The following SPAG16 variants were observed in gnomAD, a reference collection of about 807,000 sequenced individuals.
SPAG16 encodes the protein sperm associated antigen 16.
Under a neutral mutation model 80.4 loss-of-function variants are expected in SPAG16, and 86 were observed. The ratio of observed to expected loss-of-function variants is 1.07; its 90% CI spans 0.90 to 1.28. The LOEUF (loss-of-function observed/expected upper bound fraction) is 1.28. Ranked by LOEUF, SPAG16 falls within the 50% of genes most tolerant of loss-of-function variation. The pLI is 0.00. For synonymous variants in SPAG16, 294 were observed against 265.9 expected, an observed-to-expected ratio of 1.11 and a Z score of -1.03; for missense variants, 870 against 765.3, an observed-to-expected ratio of 1.14 and a Z score of -1.61.
intron 13 of SPAG16, among the ~76,000 whole-genome samples, chr2:214,105,015 G>A (rs749251126): frequency 7.2e-5 from 11 of 152,102 alleles, no homozygotes; most frequent in Non-Finnish European, 1.0e-4. Flanking sequence ...ACAGCTGAAC[G>A]GGAGGTAGCA....
At chr2:213,889,091 A>G (rs1191341797) in intron 11 of SPAG16, among the ~76,000 whole-genome samples, 2 of 151,990 alleles carry the variant, frequency 1.3e-5, no homozygotes, top group African/African-American at 4.8e-5. Flanking sequence ...TAAACATTTC[A>G]TAAGGTATAT....
At chr2:213,619,984 A>G (rs1326290506) in intron 10 of SPAG16, among the ~76,000 whole-genome samples, 1 of 152,226 alleles carries the variant, frequency 6.6e-6, no homozygotes, top group African/African-American at 2.4e-5. Flanking sequence ...TCCAGACATA[A>G]AAAAGAATGG....
intron 9 of SPAG16, among the ~76,000 whole-genome samples, chr2:213,397,162 G>A (rs2068083565): frequency 6.6e-6 from 1 of 152,260 alleles, no homozygotes; most frequent in Non-Finnish European, 1.5e-5. Context: ...TCCAGTTTCT[G>A]TGCTGTTAAA....
intron 15 of SPAG16, among the ~76,000 whole-genome samples, chr2:214,264,399 C>T (rs1050931305): frequency 2.6e-5 from 4 of 152,138 alleles, no homozygotes; most frequent in Non-Finnish European, 1.5e-5. Context: ...GCTCACTAAT[C>T]CATTTGCCTA....
At chr2:213,733,230 T>TC (rs2067136271) in intron 10 of SPAG16, among the ~76,000 whole-genome samples, 1 of 151,644 alleles carries the variant, frequency 6.6e-6, no homozygotes. Flanking sequence ...GTTTTTTTTT[T>TC]CTTGTAAATT....
intron 11 of SPAG16, among the ~76,000 whole-genome samples, chr2:213,920,888 C>A (rs2078189949): frequency 6.6e-6 from 1 of 152,254 alleles, no homozygotes; most frequent in Admixed American, 6.5e-5. Flanking sequence ...CCTACCAATT[C>A]TCTAAGCAGC....
chr2:213,777,285 C>T (rs866825803), intron 10 of SPAG16, among the ~76,000 whole-genome samples: 1 of 108,318 alleles, frequency 9.2e-6, no homozygotes. Context: ...CTCATTCTGT[C>T]GCTCAGGCTG....
intron 8 of SPAG16, among the ~76,000 whole-genome samples, chr2:213,371,396 CAAAAAAAAAAAAAA>C (rs1161878780): frequency 4.2e-5 from 2 of 47,306 alleles, no homozygotes; most frequent in African/African-American, 1.3e-4. Context: ...GACCGTGTCT[CAAAAAAAAAAAAAA>C]AAAAAAAAGA....
intron 10 of SPAG16, among the ~76,000 whole-genome samples, chr2:213,854,260 A>C (rs1366464908): frequency 6.6e-6 from 1 of 152,212 alleles, no homozygotes; most frequent in East Asian, 1.9e-4. Context: ...TCTTTAAAAG[A>C]AAAAAGTATG....
At chr2:213,297,119 A>G (rs756656387) in intron 2 of SPAG16, 143 bp from the exon 3 acceptor site, 4 of 1,479,816 alleles carry the variant, frequency 2.7e-6, no homozygotes, top group South Asian at 1.2e-5. Context: ...TTCATTTTTC[A>G]TGGATCTTCA....
chr2:213,532,708 G>A (rs1575862874), intron 10 of SPAG16, among the ~76,000 whole-genome samples: 1 of 150,676 alleles, frequency 6.6e-6, no homozygotes, highest in East Asian at 1.9e-4. Context: ...GGATCCGCCC[G>A]CCTCGGCCTC....
intron 12 of SPAG16, among the ~76,000 whole-genome samples, chr2:213,994,976 A>G (rs1241954111): frequency 1.3e-5 from 2 of 152,198 alleles, no homozygotes; most frequent in Non-Finnish European, 2.9e-5. Context: ...AAAAGAATAA[A>G]GAAAAGATTT....
chr2:213,434,639 G>A (rs1203589553), intron 9 of SPAG16, among the ~76,000 whole-genome samples: 1 of 152,078 alleles, frequency 6.6e-6, no homozygotes, highest in Non-Finnish European at 1.5e-5. Context: ...CCATTAAAAA[G>A]TAGGCAAATA....
chr2:213,509,602 A>T (rs1309249726), intron 10 of SPAG16, among the ~76,000 whole-genome samples: 4 of 152,242 alleles, frequency 2.6e-5, no homozygotes, highest in African/African-American at 9.6e-5. Flanking sequence ...TGGAATAAAG[A>T]TGTTCTTTGA....
Position 214,083,591 on chromosome 2 carries a change from A to G in SPAG16, c.1528-24605A>G, listed in dbSNP as rs1345838074. On this transcript the variant is annotated intron_variant, in intron 13 of 15. Coordinates refer to ENST00000331683, the MANE Select transcript of SPAG16 (RefSeq NM_024532.5). Reference sequence around the variant, plus strand: ...ATGAGAGGAAGAACCTCAAGAACAGACTCAACTAATTAACTTCCATTCATT... The same window carrying G: ...ATGAGAGGAAGAACCTCAAGAACAGGCTCAACTAATTAACTTCCATTCATT... 2.0e-5 allele frequency among the ~76,000 whole-genome samples: 3 copies of G among 152,144 alleles called. No homozygotes were observed. The East Asian group carries it at 5.8e-4, about 29-fold the overall frequency.
Position 214,149,230 on chromosome 2 carries a change from C to A in SPAG16, c.1684C>A (p.Pro562Thr). Reference sequence around the variant, plus strand: ...ACCAATTGTGTCCATCGATATAGGTCCAAGTCCTGGCAATGAGGTGAATTT... The same window carrying A: ...ACCAATTGTGTCCATCGATATAGGTACAAGTCCTGGCAATGAGGTGAATTT... ...LLPIVSIDIG[P>T]SPGNEVNFDS... The change falls in exon 15 of 16, where the codon CCA becomes ACA. Residue 562 changes from proline (P) to threonine (T), a missense_variant. Physicochemically the swap from Pro to Thr is conservative, Grantham distance 38 (BLOSUM62 -1). Transcript: ENST00000331683. 1 of 1,593,976 alleles carries A rather than the reference C, an allele frequency of 6.3e-7. No homozygotes were observed. Among genetic ancestry groups the A allele is most frequent in the Non-Finnish European group, 8.5e-7 (1 of 1,170,038 alleles).
At chr2:214,234,368 T>TG (rs1688930393) in intron 15 of SPAG16, among the ~76,000 whole-genome samples, 1 of 152,304 alleles carries the variant, frequency 6.6e-6, no homozygotes, top group South Asian at 2.1e-4. Flanking sequence ...TGTATCTTTA[T>TG]GATAGAATTA....
At chr2:213,958,458 C>T (rs1002227498) in intron 12 of SPAG16, among the ~76,000 whole-genome samples, 2 of 151,940 alleles carry the variant, frequency 1.3e-5, no homozygotes, top group Non-Finnish European at 2.9e-5. Context: ...GACTAAGCCC[C>T]GCTTCTGGTA....
intron 10 of SPAG16, among the ~76,000 whole-genome samples, chr2:213,762,783 G>T (rs190734593): frequency 6.6e-6 from 1 of 152,034 alleles, no homozygotes; most frequent in Non-Finnish European, 1.5e-5. Context: ...ATAATAAGTC[G>T]AACTACACCA....
Sources: gnomAD v4.1 joint callset for allele counts (sites outside exome capture counted in the v4.1 genomes callset) on GRCh38, gnomAD v4.1.1 for gene constraint, MANE v1.5 for transcripts, NCBI Gene and HGNC (gene_info 2026-07-23, HGNC 2026-07-21) for gene names.